MUC7: variants seen among roughly 807,000 people sequenced by gnomAD.
The protein encoded by MUC7 is mucin-7.
In MUC7, 2 loss-of-function variants were observed where a neutral mutation model predicts 2.5. That is an observed-to-expected ratio of 0.81 (90% CI 0.33 to 2.55). MUC7 has a LOEUF of 2.55. Among genes scored for constraint, MUC7 ranks in the 30% most tolerant of loss-of-function variants. The pLI is 0.11. For synonymous variants in MUC7, 133 were observed against 173.4 expected (o/e 0.77, Z 1.83); for missense variants, 408 against 455.6 (o/e 0.90, Z 0.95).
chr4:70,431,070 G>A (rs2109782730), intron 1 of MUC7, among the ~76,000 whole-genome samples: 1 of 151,928 alleles, frequency 6.6e-6, no homozygotes, highest in South Asian at 2.1e-4. Context: ...GTATGTAATG[G>A]TTATATCTAG....
chr4:70,465,201 T>A (rs371037378), intron 1 of MUC7, among the ~76,000 whole-genome samples: 11 of 152,120 alleles, frequency 7.2e-5, no homozygotes, highest in African/African-American at 2.6e-4. Flanking sequence ...AGGAATAGCA[T>A]CAACATCAAC....
chr4:70,459,329 G>A (rs554263066), intron 1 of MUC7, among the ~76,000 whole-genome samples: 29 of 152,208 alleles, frequency 1.9e-4, no homozygotes, highest in African/African-American at 6.7e-4. Context: ...CTATCACAAG[G>A]ACAAAAAACC....
chr4:70,478,911 A>G lies in MUC7; in HGVS notation c.55-1888A>G, dbSNP rs71599959. Among the ~76,000 whole-genome samples, 765 of 152,362 alleles carry G rather than the reference A, an allele frequency of 5.0e-3. 6 individuals carry two copies. The highest frequency in any genetic ancestry group is 8.6e-3 in the Non-Finnish European group (585 of 68,040). On this transcript the variant is annotated intron_variant, in intron 2 of 2. Transcript: ENST00000304887. ...TTTTAAGAGAGATTTATGGAAAAATACCAAAGTCATGTGAGTATCAGAAGC... is the reference window on the plus strand; with the variant it reads ...TTTTAAGAGAGATTTATGGAAAAATGCCAAAGTCATGTGAGTATCAGAAGC...
intron 2 of MUC7, among the ~76,000 whole-genome samples, chr4:70,479,944 A>C (rs548658021): frequency 6.6e-6 from 1 of 152,312 alleles, no homozygotes; most frequent in East Asian, 1.9e-4. Flanking sequence ...CGGCCTTAGG[A>C]ATTACAGTAG....
chr4:70,459,379 A>G (rs1734494168), intron 1 of MUC7, among the ~76,000 whole-genome samples: 1 of 152,180 alleles, frequency 6.6e-6, no homozygotes, highest in African/African-American at 2.4e-5. Flanking sequence ...GAATTGAACA[A>G]TGAGAACACA....
intron 2 of MUC7, among the ~76,000 whole-genome samples, chr4:70,479,016 T>G (rs1224836863): frequency 6.6e-6 from 1 of 152,150 alleles, no homozygotes. Context: ...AATAATACTT[T>G]CTTGTATTGA....
chr4:70,470,314 G>A (rs1358706468), upstream of MUC7, among the ~76,000 whole-genome samples: 2 of 152,116 alleles, frequency 1.3e-5, no homozygotes, highest in Non-Finnish European at 2.9e-5. Context: ...GTAGGTGACA[G>A]GTTGATGGGT....
intron 1 of MUC7, among the ~76,000 whole-genome samples, chr4:70,441,315 T>C (rs1376480901): frequency 6.6e-6 from 1 of 152,218 alleles, no homozygotes; most frequent in African/African-American, 2.4e-5. Flanking sequence ...AGGCCTATAA[T>C]ATGCACATGA....
At chr4:70,462,097 C>T (rs1187959200) in intron 1 of MUC7, among the ~76,000 whole-genome samples, 3 of 151,856 alleles carry the variant, frequency 2.0e-5, no homozygotes, top group East Asian at 1.9e-4. Flanking sequence ...CCTGTAGTCC[C>T]AGCTACTCAG....
chr4:70,465,199 C>G (rs1272434874), intron 1 of MUC7, among the ~76,000 whole-genome samples: 1 of 152,178 alleles, frequency 6.6e-6, no homozygotes, highest in African/African-American at 2.4e-5. Flanking sequence ...AAAGGAATAG[C>G]ATCAACATCA....
chr4:70,442,120 A>T (rs1037004388), intron 1 of MUC7, among the ~76,000 whole-genome samples: 1 of 152,242 alleles, frequency 6.6e-6, no homozygotes, highest in Non-Finnish European at 1.5e-5. Context: ...TGGCCAACTG[A>T]GTTAAGCATG....
In MUC7 at chr4:70,481,120, C is replaced by T. The variant is rs760535115; in HGVS notation, c.376C>T (p.Leu126Phe). 106 of 1,614,048 alleles carry T rather than the reference C, an allele frequency of 6.6e-5. No homozygotes were observed. Among genetic ancestry groups the T allele is most frequent in the Non-Finnish European group, 8.1e-5 (95 of 1,180,038 alleles). Reference sequence around the variant, plus strand: ...ATCAGCTTCCACCAAAATTACTACCCTTCCAAATGTGACTTTTCTTCCCCA... The same window carrying T: ...ATCAGCTTCCACCAAAATTACTACCTTTCCAAATGTGACTTTTCTTCCCCA... ...FPSASTKITT[L>F]PNVTFLPQNA... Residue 126 changes from leucine (L) to phenylalanine (F), a missense_variant, in exon 3 of 3, where the codon CTT (leucine) becomes TTT (phenylalanine). By Grantham distance (22) the Leu-to-Phe change is conservative. Transcript: ENST00000304887.
rs1734917295 is a variant in MUC7 at position 70,474,003 on chromosome 4, C to T, written c.-15-4C>T. 6.2e-7 allele frequency: 1 copy of T among 1,608,228 alleles called. No individual in the cohort carries two copies. Among genetic ancestry groups the T allele is most frequent in the Non-Finnish European group, 8.5e-7 (1 of 1,175,676 alleles). Reference sequence around the variant, plus strand: ...ATAGTACGCCACATTTCTGCTTTTCCCAGGAGACATCAGAAAGAATGAAAA... The same window carrying T: ...ATAGTACGCCACATTTCTGCTTTTCTCAGGAGACATCAGAAAGAATGAAAA... On this transcript the variant is annotated splice_polypyrimidine_tract_variant and splice_region_variant and intron_variant, in intron 1 of 2. Transcript: ENST00000304887.
intron 1 of MUC7, among the ~76,000 whole-genome samples, chr4:70,454,540 G>T (rs1026633664): frequency 6.6e-6 from 1 of 152,218 alleles, no homozygotes; most frequent in Non-Finnish European, 1.5e-5. Context: ...ATGAGGGAAG[G>T]GTTGTGTCAG....
At chr4:70,464,843 C>T (rs550412664) in intron 1 of MUC7, among the ~76,000 whole-genome samples, 3 of 152,254 alleles carry the variant, frequency 2.0e-5, no homozygotes, top group East Asian at 1.9e-4. Context: ...TAAACCTTCC[C>T]GCCTGCCGGC....
intron 1 of MUC7, among the ~76,000 whole-genome samples, chr4:70,454,654 G>T (rs1734371366): frequency 6.6e-6 from 1 of 152,128 alleles, no homozygotes; most frequent in Admixed American, 6.5e-5. Flanking sequence ...TCTTTGGAAG[G>T]TCCTTTTCTG....
At chr4:70,437,145 C>T (rs1210266194) in intron 1 of MUC7, among the ~76,000 whole-genome samples, 1 of 152,184 alleles carries the variant, frequency 6.6e-6, no homozygotes, top group Non-Finnish European at 1.5e-5. Flanking sequence ...TCCAGTCAGG[C>T]TACACAGGGG....
intron 1 of MUC7, among the ~76,000 whole-genome samples, chr4:70,458,416 T>C (rs1734464561): frequency 6.6e-6 from 1 of 152,150 alleles, no homozygotes; most frequent in South Asian, 2.1e-4. Flanking sequence ...GATAAGTTCA[T>C]GGGTGTTCAC....
chr4:70,432,406 CTGT>C (rs1170359174), intron 1 of MUC7, among the ~76,000 whole-genome samples: 1 of 152,202 alleles, frequency 6.6e-6, no homozygotes, highest in East Asian at 1.9e-4. Flanking sequence ...TCTCCAGCAC[CTGT>C]TGTTTCCTGA....
Sources: allele counts gnomAD v4.1 joint callset (sites outside exome capture counted in the v4.1 genomes callset), GRCh38; gene constraint gnomAD v4.1.1; transcripts MANE v1.5; gene names NCBI Gene and HGNC (gene_info 2026-07-23, HGNC 2026-07-21).